Variants in ARFIP1 observed in about 807,000 individuals in gnomAD.
ARFIP1 encodes the protein arfaptin-1.
A neutral mutation model predicts 42.5 loss-of-function variants in ARFIP1; 24 were observed. That is an observed-to-expected ratio of 0.57 (90% CI 0.41 to 0.80). The LOEUF (loss-of-function observed/expected upper bound fraction) is 0.80. Among genes scored for constraint, ARFIP1 ranks in the 30% least tolerant of loss-of-function variants. ARFIP1 has a pLI of 0.00. For missense variants in ARFIP1, 354 were observed against 434.0 expected (o/e 0.82, Z 1.64); for synonymous variants, 141 against 153.7 (o/e 0.92, Z 0.61).
At chr4:152,839,791 C>CATCAGATCATT (rs545363001) in intron 2 of ARFIP1, among the ~76,000 whole-genome samples, 187 of 152,032 alleles carry the variant, frequency 1.2e-3, no homozygotes, top group African/African-American at 4.4e-3. Flanking sequence ...TCATTTAGTT[C>CATCAGATCATT]TGCTCTGATC....
At chr4:152,809,046 G>A (rs990725726) in intron 1 of ARFIP1, among the ~76,000 whole-genome samples, 3 of 151,768 alleles carry the variant, frequency 2.0e-5, no homozygotes, top group African/African-American at 7.3e-5. Context: ...AGGAAGACCC[G>A]TCTCAAAAAA....
intron 2 of ARFIP1, among the ~76,000 whole-genome samples, chr4:152,833,855 G>A (rs1731438968): frequency 6.6e-6 from 1 of 152,174 alleles, no homozygotes; most frequent in Non-Finnish European, 1.5e-5. Flanking sequence ...ATAGTAGATA[G>A]GTGATTATAG....
intron 1 of ARFIP1, among the ~76,000 whole-genome samples, chr4:152,782,265 C>G (rs1164286448): frequency 1.4e-5 from 2 of 147,774 alleles, no homozygotes; most frequent in Non-Finnish European, 3.0e-5. Context: ...TGTGTTTTCC[C>G]AAACTGTAAA....
intron 1 of ARFIP1, among the ~76,000 whole-genome samples, chr4:152,788,782 C>T (rs181819138): frequency 1.3e-5 from 2 of 150,164 alleles, no homozygotes; most frequent in African/African-American, 4.9e-5. Context: ...ATTCAGATTA[C>T]CTCACTTTTC....
intron 3 of ARFIP1, among the ~76,000 whole-genome samples, chr4:152,864,956 C>CGTG (rs1469095488): frequency 7.0e-6 from 1 of 142,894 alleles, no homozygotes; most frequent in Non-Finnish European, 1.5e-5. Flanking sequence ...AAAGTAAAGC[C>CGTG]GTGTAAACAT....
chr4:152,803,088 C>T (rs534985435), intron 1 of ARFIP1, among the ~76,000 whole-genome samples: 92 of 152,230 alleles, frequency 6.0e-4, no homozygotes, highest in Non-Finnish European at 1.1e-3. Context: ...TGTCCACTGT[C>T]CAAATTGGCC....
chr4:152,804,097 A>G (rs1330753076), intron 1 of ARFIP1, among the ~76,000 whole-genome samples: 216 of 114,638 alleles, frequency 1.9e-3, no homozygotes, highest in Middle Eastern at 4.6e-3. Flanking sequence ...AACGTAATAT[A>G]TATTATATAT....
chr4:152,902,539 G>C lies in ARFIP1; in HGVS notation c.967-7525G>C, dbSNP rs1365124345. Among the ~76,000 whole-genome samples the C allele has an allele frequency of 2.6e-5, 4 of 152,230 alleles. No individual in the cohort carries two copies. In the East Asian group the frequency reaches 7.7e-4, roughly 29 times the overall value. ...GGGCGGGGGGAGACTAAACAGAGTA[G>C]ATATAAGGGTAATGCATTATGTGTC... On this transcript the variant is annotated intron_variant, in intron 8 of 8. Transcript: ENST00000353617.
intron 1 of ARFIP1, among the ~76,000 whole-genome samples, chr4:152,806,422 A>G (rs1421426819): frequency 6.6e-6 from 1 of 152,132 alleles, no homozygotes; most frequent in African/African-American, 2.4e-5. Flanking sequence ...CTGGTATGGT[A>G]TGGTTGCTCT....
intron 1 of ARFIP1, among the ~76,000 whole-genome samples, chr4:152,791,881 G>A (rs567157382): frequency 6.6e-5 from 10 of 151,970 alleles, no homozygotes; most frequent in African/African-American, 1.9e-4. Context: ...TAAAAGTTGT[G>A]GTAATATAAA....
At chr4:152,840,143 T>C (rs1322385988) in intron 2 of ARFIP1, among the ~76,000 whole-genome samples, 4 of 152,196 alleles carry the variant, frequency 2.6e-5, no homozygotes, top group Non-Finnish European at 4.4e-5. Context: ...TCCTTAAGTT[T>C]ATTGAGGTTC....
At chr4:152,835,842 G>A (rs1731604212) in intron 2 of ARFIP1, among the ~76,000 whole-genome samples, 1 of 152,164 alleles carries the variant, frequency 6.6e-6, no homozygotes, top group Non-Finnish European at 1.5e-5. Context: ...CTCCTGGTGA[G>A]GGCCTCAAGA....
intron 5 of ARFIP1, among the ~76,000 whole-genome samples, chr4:152,877,193 A>G (rs1195085911): frequency 6.6e-6 from 1 of 152,162 alleles, no homozygotes; most frequent in East Asian, 1.9e-4. Flanking sequence ...TGTACGTGGA[A>G]AAGCCTCAGA....
chr4:152,823,181 A>C (rs1730530892), intron 1 of ARFIP1, among the ~76,000 whole-genome samples: 1 of 152,238 alleles, frequency 6.6e-6, no homozygotes, highest in South Asian at 2.1e-4. Context: ...CAGAAGATTC[A>C]AATAATCTCA....
intron 5 of ARFIP1, among the ~76,000 whole-genome samples, chr4:152,879,679 G>A (rs1029545063): frequency 2.0e-5 from 3 of 151,890 alleles, no homozygotes; most frequent in Admixed American, 1.3e-4. Context: ...GAGAAACCCC[G>A]TCTCTATTAA....
At chr4:152,882,619 C>A in intron 6 of ARFIP1, 104 bp from the exon 7 acceptor site, 1 of 1,092,224 alleles carries the variant, frequency 9.2e-7, no homozygotes, top group Non-Finnish European at 1.3e-6. Context: ...ACAGCTAGAT[C>A]TCTATCTAAA....
intron 1 of ARFIP1, among the ~76,000 whole-genome samples, chr4:152,823,966 A>C (rs765619501): frequency 6.6e-6 from 1 of 152,092 alleles, no homozygotes; most frequent in Non-Finnish European, 1.5e-5. Flanking sequence ...CATAGATGTG[A>C]AAATTCTTAA....
At chr4:152,882,426 A>C (rs553381548) in intron 6 of ARFIP1, among the ~76,000 whole-genome samples, 2 of 152,206 alleles carry the variant, frequency 1.3e-5, no homozygotes, top group African/African-American at 4.8e-5. Context: ...TGCTTATAGT[A>C]TAATAGAAAC....
intron 1 of ARFIP1, among the ~76,000 whole-genome samples, chr4:152,804,355 T>C (rs1728790597): frequency 1.0e-5 from 1 of 95,454 alleles, no homozygotes; most frequent in South Asian, 2.8e-4. Context: ...TAATATAACA[T>C]GTATTATATA....
Sources: allele counts gnomAD v4.1 joint callset (sites outside exome capture counted in the v4.1 genomes callset), GRCh38; gene constraint gnomAD v4.1.1; transcripts MANE v1.5; gene names NCBI Gene and HGNC (gene_info 2026-07-23, HGNC 2026-07-21).